The following PTPN12 variants were observed in gnomAD, a reference collection of about 807,000 sequenced individuals.
PTPN12 encodes the protein protein tyrosine phosphatase non-receptor type 12, also known as tyrosine-protein phosphatase non-receptor type 12.
In PTPN12, 29 loss-of-function variants were observed where a neutral mutation model predicts 97.6. That is an observed-to-expected ratio of 0.30 (90% CI 0.22 to 0.41). PTPN12 has a LOEUF of 0.41. PTPN12 is among the 10% of genes least tolerant of loss of function. The probability of loss-of-function intolerance (pLI) is 1.00; values close to 1 mark genes in which losing one functional copy is unlikely to be tolerated. For missense variants in PTPN12, 819 were observed against 926.0 expected, an observed-to-expected ratio of 0.88 and a Z score of 1.50; for synonymous variants, 327 against 300.4, an observed-to-expected ratio of 1.09 and a Z score of -0.91.
At chr7:77,575,538 A>T (rs898842262) in intron 2 of PTPN12, among the ~76,000 whole-genome samples, 1 of 152,184 alleles carries the variant, frequency 6.6e-6, no homozygotes, top group Non-Finnish European at 1.5e-5. Flanking sequence ...TTAATTCACT[A>T]ACTTCCTTTG....
intron 12 of PTPN12, among the ~76,000 whole-genome samples, chr7:77,620,727 A>T (rs1274928927): frequency 6.6e-6 from 1 of 152,196 alleles, no homozygotes; most frequent in Non-Finnish European, 1.5e-5. Flanking sequence ...AGGCAGGCGG[A>T]TCACAAGGTC....
chr7:77,601,436 C>T (rs931171966), intron 8 of PTPN12, among the ~76,000 whole-genome samples: 3 of 152,136 alleles, frequency 2.0e-5, no homozygotes, highest in Admixed American at 2.0e-4. Flanking sequence ...CTCCTGTCCT[C>T]AAGTGATTCT....
intron 1 of PTPN12, among the ~76,000 whole-genome samples, chr7:77,558,637 T>C (rs1807840029): frequency 6.6e-6 from 1 of 152,196 alleles, no homozygotes; most frequent in African/African-American, 2.4e-5. Flanking sequence ...TACAATGTTA[T>C]CCCTTGGCTG....
intron 8 of PTPN12, among the ~76,000 whole-genome samples, chr7:77,602,932 A>G (rs1334889633): frequency 6.6e-6 from 1 of 152,198 alleles, no homozygotes; most frequent in East Asian, 1.9e-4. Context: ...TATTATTTAC[A>G]TAGTTAAAAT....
In PTPN12 at chr7:77,581,439, G is replaced by T; in HGVS notation, c.221G>T (p.Arg74Leu). Residue 74 changes from arginine to leucine, a missense_variant, in exon 3 of 18, where the codon CGA (arginine) becomes CTA (leucine). This residue lies in a region of PTPN12 where 66 missense variants were observed against 133.6 expected (regional missense o/e 0.49). Coordinates refer to ENST00000248594, the MANE Select transcript of PTPN12 (RefSeq NM_002835.4). Reference sequence around the variant, plus strand: ...TTTTTTCTCGTAGTTGATCACAGCCGAGTTAAATTGACATTAAAGACTCCT... The same window carrying T: ...TTTTTTCTCGTAGTTGATCACAGCCTAGTTAAATTGACATTAAAGACTCCT... ...YKDILPFDHSRVKLTLKTPSQ... is the reference protein window; with the variant it reads ...YKDILPFDHSLVKLTLKTPSQ... 6.2e-7 allele frequency: 1 copy of T among 1,605,682 alleles called. No individual in the cohort carries two copies. Among genetic ancestry groups the T allele is most frequent in the South Asian group, 1.1e-5 (1 of 90,050 alleles).
At chr7:77,588,887 CTG>C (rs1255231257) in intron 5 of PTPN12, among the ~76,000 whole-genome samples, 3 of 152,056 alleles carry the variant, frequency 2.0e-5, no homozygotes, top group East Asian at 3.8e-4. Flanking sequence ...TGTTTTGAGA[CTG>C]TGAGACAGAA....
intron 2 of PTPN12, 125 bp downstream of exon 2, chr7:77,571,311 C>A: frequency 1.6e-6 from 1 of 609,126 alleles, no homozygotes. Flanking sequence ...TTTCAAAGTA[C>A]ATGGAAAGAT....
chr7:77,595,567 C>T (rs1245772422), intron 6 of PTPN12, among the ~76,000 whole-genome samples: 1 of 152,158 alleles, frequency 6.6e-6, no homozygotes, highest in East Asian at 1.9e-4. Flanking sequence ...TTTGTTAGAA[C>T]ACATCTATAT....
intron 5 of PTPN12, among the ~76,000 whole-genome samples, chr7:77,588,827 T>A (rs1787775367): frequency 6.6e-6 from 1 of 152,192 alleles, no homozygotes; most frequent in South Asian, 2.1e-4. Context: ...AAATACATTT[T>A]AAAAATCTGG....
At chr7:77,622,068 C>G (rs150734335) in intron 12 of PTPN12, among the ~76,000 whole-genome samples, 2 of 152,180 alleles carry the variant, frequency 1.3e-5, no homozygotes, top group African/African-American at 2.4e-5. Context: ...GAACCTCCCA[C>G]CCTAGACTCC....
chr7:77,585,951 ATTTTATTT>A (rs1390102965), intron 5 of PTPN12, among the ~76,000 whole-genome samples: 1 of 152,000 alleles, frequency 6.6e-6, no homozygotes, highest in African/African-American at 2.4e-5. Flanking sequence ...TTCATGCCTT[ATTTTATTT>A]TTTTATTTTT....
chr7:77,627,786 C>A, intron 13 of PTPN12, 111 bp downstream of exon 13: 1 of 1,081,150 alleles, frequency 9.2e-7, no homozygotes, highest in Non-Finnish European at 1.2e-6. Context: ...TACCATAGAA[C>A]CTACAGCAAA....
intron 12 of PTPN12, among the ~76,000 whole-genome samples, chr7:77,624,900 C>A (rs992865138): frequency 6.6e-6 from 1 of 151,714 alleles, no homozygotes; most frequent in African/African-American, 2.4e-5. Context: ...TTGCGGGGGC[C>A]GAGGCAGGCA....
chr7:77,627,186 T>A lies in PTPN12; in HGVS notation c.1507T>A (p.Ser503Thr). Residue 503 changes from serine to threonine, a missense_variant, in exon 13 of 18, where the codon TCA (serine) becomes ACA (threonine). Around this residue, in one of 5 missense-constraint regions of PTPN12, gnomAD observed 607 missense variants for 577.3 expected, o/e 1.05. Transcript: ENST00000248594. ...NSCVDCSVTQSNKVSVTPPEE... is the reference protein window; with the variant it reads ...NSCVDCSVTQTNKVSVTPPEE... ...TTGTGTGGACTGCAGTGTAACACAA[T>A]CAAACAAAGTTTCAGTTACTCCACC... 2.5e-6 allele frequency: 4 copies of A among 1,614,126 alleles called. No homozygotes were observed. Among genetic ancestry groups the A allele is most frequent in the Non-Finnish European group, 3.4e-6 (4 of 1,180,010 alleles).
At chr7:77,605,945 CTTTTTTTT>C (rs10648385) in intron 8 of PTPN12, among the ~76,000 whole-genome samples, 1 of 51,896 alleles carries the variant, frequency 1.9e-5, no homozygotes, top group African/African-American at 7.9e-5. Context: ...CAAGAGCCAT[CTTTTTTTT>C]TTTTTTTTTT....
chr7:77,623,021 AAAAG>A (rs1008282082), intron 12 of PTPN12, among the ~76,000 whole-genome samples: 1 of 151,652 alleles, frequency 6.6e-6, no homozygotes, highest in African/African-American at 2.4e-5. Flanking sequence ...GCAAAAAAAA[AAAAG>A]AAGAAAAAAT....
intron 1 of PTPN12, among the ~76,000 whole-genome samples, chr7:77,560,869 A>C (rs1202656923): frequency 6.6e-6 from 1 of 151,790 alleles, no homozygotes; most frequent in Non-Finnish European, 1.5e-5. Flanking sequence ...TGGTTGTACA[A>C]ATATCTGTTC....
intron 1 of PTPN12, chr7:77,537,934 T>G: frequency 1.5e-6 from 1 of 654,330 alleles, no homozygotes; most frequent in Non-Finnish European, 2.0e-6. Flanking sequence ...CGCGACCACC[T>G]ATTGTTTACC....
intron 8 of PTPN12, among the ~76,000 whole-genome samples, chr7:77,605,369 C>T (rs375270235): frequency 1.5e-5 from 2 of 135,338 alleles, no homozygotes; most frequent in Admixed American, 7.5e-5. Flanking sequence ...AAGCCTTTCT[C>T]TAGTTGAGAA....
Sources: gnomAD v4.1 joint callset for allele counts (sites outside exome capture counted in the v4.1 genomes callset) on GRCh38, gnomAD v4.1.1 for gene constraint, gnomAD v4.1.1 regional missense constraint, MANE v1.5 for transcripts, NCBI Gene and HGNC (gene_info 2026-07-23, HGNC 2026-07-21) for gene names.